ADGRE2: variants seen among roughly 807,000 people sequenced by gnomAD.
ADGRE2 encodes CD97 antigen.
In ADGRE2, 83 loss-of-function variants were observed where a neutral mutation model predicts 100.8. The ratio of observed to expected loss-of-function variants is 0.82; its 90% confidence interval spans 0.69 to 0.99. The LOEUF is 0.99. Among genes scored for constraint, ADGRE2 ranks in the 50% least tolerant of loss-of-function variants. The probability of loss-of-function intolerance (pLI) is 0.00; values close to 1 mark genes in which losing one functional copy is unlikely to be tolerated. For synonymous variants in ADGRE2, 355 were observed against 413.0 expected (o/e 0.86, Z 1.70); for missense variants, 814 against 1,035.7 (o/e 0.79, Z 2.94).
At chr19:14,730,423 C>G (rs7252820), downstream of ADGRE2, among the ~76,000 whole-genome samples, 10,572 of 152,082 alleles carry the variant, frequency 0.07, 1,289 homozygotes, top group African/African-American at 0.24. Flanking sequence ...CACCATCAGT[C>G]TGTCCTTCCT....
chr19:14,728,011 A>T (rs145996620), downstream of ADGRE2, among the ~76,000 whole-genome samples: 5,364 of 152,254 alleles, frequency 0.035, 339 homozygotes, highest in African/African-American at 0.12. Context: ...TCACGAGGTC[A>T]GGAGATCGAG....
intron 5 of ADGRE2, among the ~76,000 whole-genome samples, chr19:14,771,193 G>A (rs1472190330): frequency 2.0e-5 from 3 of 152,164 alleles, no homozygotes; most frequent in Non-Finnish European, 4.4e-5. Context: ...AGGAGGGACA[G>A]GGCTGGGAAC....
At chr19:14,725,650 T>A in the ADGRE2 span, among the ~76,000 whole-genome samples, 2 of 152,224 alleles carry the variant, frequency 1.3e-5, no homozygotes, top group East Asian at 3.8e-4. Flanking sequence ...ACAGACCTCA[T>A]GCAAGTTGTA....
chr19:14,736,249 A>AT lies in ADGRE2; in HGVS notation c.2464-6_2464-5insA. On this transcript the variant is annotated splice_region_variant and splice_polypyrimidine_tract_variant and intron_variant, in intron 20 of 20. Coordinates refer to ENST00000315576, the MANE Select transcript of ADGRE2 (RefSeq NM_013447.4). ...CAGAAGATTTTTCTAGTTAACCTGA[A>AT]ATATATATATATGTATGTATTTTGT... 1 of 1,534,422 alleles carries AT rather than the reference A, an allele frequency of 6.5e-7. No individual in the cohort carries two copies. Among genetic ancestry groups the AT allele is most frequent in the Non-Finnish European group, 9.0e-7 (1 of 1,110,718 alleles).
Position 14,752,498 on chromosome 19 carries a change from G to C in ADGRE2, c.1619C>G (p.Thr540Ser), listed in dbSNP as rs1287404978. 1 of 1,614,134 alleles carries C rather than the reference G, an allele frequency of 6.2e-7. No homozygotes were observed. Among genetic ancestry groups the C allele is most frequent in the Non-Finnish European group, 8.5e-7 (1 of 1,180,024 alleles). The change falls in exon 15 of 21, where the codon ACC becomes AGC. Residue 540 changes from threonine to serine, a missense_variant. Thr to Ser is a moderately conservative substitution (Grantham distance 58). Around this residue, in one of 5 missense-constraint regions of ADGRE2, gnomAD observed 569 missense variants for 692.7 expected, o/e 0.82. Transcript: ENST00000315576. Reference sequence around the variant, plus strand: ...CAGAGAGACGCTCAGCCCCATGTAGGTGATGACAGTCAGCACGGGATCCTC... The same window carrying C: ...CAGAGAGACGCTCAGCCCCATGTAGCTGATGACAGTCAGCACGGGATCCTC... ...QEEDPVLTVITYMGLSVSLLC... is the reference protein window; with the variant it reads ...QEEDPVLTVISYMGLSVSLLC...
downstream of ADGRE2, among the ~76,000 whole-genome samples, chr19:14,728,482 A>G (rs373292468): frequency 2.0e-5 from 3 of 152,124 alleles, no homozygotes; most frequent in Non-Finnish European, 2.9e-5. Context: ...TCTTGCTAGG[A>G]TATGTAGAAA....
chr19:14,771,370 A>G (rs148043768), intron 5 of ADGRE2, among the ~76,000 whole-genome samples: 1 of 152,048 alleles, frequency 6.6e-6, no homozygotes, highest in Non-Finnish European at 1.5e-5. Context: ...TCCACCTGCT[A>G]CTGGTTCCCA....
At chr19:14,750,824 A>T (rs747408544) in intron 16 of ADGRE2, among the ~76,000 whole-genome samples, 1 of 152,058 alleles carries the variant, frequency 6.6e-6, no homozygotes, top group Non-Finnish European at 1.5e-5. Flanking sequence ...TATTATTATT[A>T]TTTTTTAGAG....
chr19:14,740,603 A>G (rs1256990785), intron 20 of ADGRE2, among the ~76,000 whole-genome samples: 1 of 146,530 alleles, frequency 6.8e-6, no homozygotes, highest in Non-Finnish European at 1.5e-5. Flanking sequence ...CCTGGGTAAT[A>G]AGAGCGAAAC....
At position 14,752,539 on chromosome 19, in the gene ADGRE2, AAAG is replaced by A; in HGVS notation, c.1591-16_1591-14del. The A allele has an allele frequency of 1.2e-6, 2 of 1,613,150 alleles. No homozygotes were observed. Among genetic ancestry groups the A allele is most frequent in the East Asian group, 2.2e-5 (1 of 44,850 alleles). ...CGGGATCCTCCTCCTGGGACCCGGA[AAAG>A]AAGAGTTCACAGTGATGCTTTCCTG... On this transcript the variant is annotated splice_polypyrimidine_tract_variant and intron_variant, in intron 14 of 20. Coordinates refer to ENST00000315576, the MANE Select transcript of ADGRE2 (RefSeq NM_013447.4).
chr19:14,729,202 G>C (rs2042652601), downstream of ADGRE2, among the ~76,000 whole-genome samples: 1 of 152,132 alleles, frequency 6.6e-6, no homozygotes, highest in African/African-American at 2.4e-5. Flanking sequence ...GAGATTCATT[G>C]CATCCTACAG....
chr19:14,776,649 C>A, intron 2 of ADGRE2, 77 bp downstream of exon 2: 1 of 1,506,672 alleles, frequency 6.6e-7, no homozygotes, highest in Non-Finnish European at 9.1e-7. Flanking sequence ...GCGGCGCCTC[C>A]CGTTTCTCAG....
At chr19:14,738,146 G>A (rs1033910137) in intron 20 of ADGRE2, among the ~76,000 whole-genome samples, 7 of 152,116 alleles carry the variant, frequency 4.6e-5, no homozygotes, top group Non-Finnish European at 8.8e-5. Context: ...TTATATGAGT[G>A]TAGCAAATGA....
At chr19:14,740,412 G>A (rs894954995) in intron 20 of ADGRE2, among the ~76,000 whole-genome samples, 3 of 151,762 alleles carry the variant, frequency 2.0e-5, no homozygotes, top group Non-Finnish European at 4.4e-5. Context: ...ACCTGAGGTC[G>A]GGAATTTGAG....
At position 14,751,003 on chromosome 19, in the gene ADGRE2, G is replaced by A. The variant is rs186088667; in HGVS notation, c.2024+433C>T. ...TAATTTTTTAAATTTTGTAAAGAAG[G>A]GGTCTTGCTGTGTTGCCCAGGCTGG... On this transcript the variant is annotated intron_variant, in intron 16 of 20. Coordinates refer to ENST00000315576, the MANE Select transcript of ADGRE2 (RefSeq NM_013447.4). Among the ~76,000 whole-genome samples the A allele has an allele frequency of 1.0e-3, 157 of 152,004 alleles. 1 individual carries two copies. Among genetic ancestry groups the A allele is most frequent in the African/African-American group, 3.6e-3 (151 of 41,440 alleles).
chr19:14,731,211 ACT>A, downstream of ADGRE2: 1 of 1,532,438 alleles, frequency 6.5e-7, no homozygotes, highest in Non-Finnish European at 8.7e-7. Context: ...CACATCCAGT[ACT>A]CTCTTGCATG....
At chr19:14,771,633 T>TTTATTTATTTAC (rs2044212683) in intron 5 of ADGRE2, among the ~76,000 whole-genome samples, 1 of 135,704 alleles carries the variant, frequency 7.4e-6, no homozygotes, top group East Asian at 2.1e-4. Context: ...TATTTATTTA[T>TTTATTTATTTAC]TTATTTATTT....
chr19:14,749,779 C>T lies in ADGRE2; in HGVS notation c.2024+1657G>A, dbSNP rs12983285. ...TTTATAGCTATGTTATGTAATTATT[C>T]ATAGTTACATAATTATTTATAGCTG... On this transcript the variant is annotated intron_variant, in intron 16 of 20. Transcript: ENST00000315576. Among the ~76,000 whole-genome samples, 142 of 66,424 alleles carry T rather than the reference C, an allele frequency of 2.1e-3. 15 individuals carry two copies. Among genetic ancestry groups the T allele is most frequent in the East Asian group, 5.8e-3 (10 of 1,712 alleles). The allele number at this position is 66,424 out of a possible 152,430, so 43.6% of individuals were successfully genotyped here.
intron 11 of ADGRE2, 99 bp downstream of exon 11, chr19:14,764,334 C>T: frequency 1.9e-6 from 2 of 1,064,802 alleles, no homozygotes; most frequent in East Asian, 2.5e-5. Flanking sequence ...GAGAGTAACA[C>T]TGATATACAG....
Sources: allele counts gnomAD v4.1 joint callset (sites outside exome capture counted in the v4.1 genomes callset), GRCh38; gene constraint gnomAD v4.1.1; regional missense constraint gnomAD v4.1.1; transcripts MANE v1.5; gene names NCBI Gene and HGNC (gene_info 2026-07-23, HGNC 2026-07-21).